ABCB4: variants seen among roughly 807,000 people sequenced by gnomAD.
The protein encoded by ABCB4 is phosphatidylcholine translocator ABCB4.
A neutral mutation model predicts 145.7 loss-of-function variants in ABCB4; 76 were observed. The ratio of observed to expected loss-of-function variants is 0.52; its 90% CI spans 0.43 to 0.63. The LOEUF is 0.63. ABCB4 is among the 30% of genes least tolerant of loss of function. The probability of loss-of-function intolerance (pLI) is 0.00; values close to 1 mark genes in which losing one functional copy is unlikely to be tolerated. For synonymous variants in ABCB4, 517 were observed against 566.8 expected, an observed-to-expected ratio of 0.91 and a Z score of 1.25; for missense variants, 1,234 against 1,553.1, an observed-to-expected ratio of 0.79 and a Z score of 3.45.
chr7:87,430,161 G>A (rs1810111722), intron 15 of ABCB4, among the ~76,000 whole-genome samples: 1 of 151,946 alleles, frequency 6.6e-6, no homozygotes, highest in African/African-American at 2.4e-5. Flanking sequence ...TGCTCACAGT[G>A]GCAATATTTA....
the ABCB4 span, among the ~76,000 whole-genome samples, chr7:87,378,636 T>G: frequency 5.9e-5 from 9 of 152,298 alleles, no homozygotes; most frequent in South Asian, 1.9e-3. Context: ...CCAAAGGAAA[T>G]AGTCAGCTTC....
the ABCB4 span, among the ~76,000 whole-genome samples, chr7:87,366,640 T>C: frequency 6.6e-6 from 1 of 152,204 alleles, no homozygotes; most frequent in South Asian, 2.1e-4. Context: ...TACTGCTCTC[T>C]TCATGGCTCC....
rs376156950 is a variant in ABCB4 at position 87,468,941 on chromosome 7, TAAATA to T, written c.135+3675_135+3679del. 5.0e-4 allele frequency among the ~76,000 whole-genome samples: 70 copies of T among 138,932 alleles called. 1 individual carries two copies. The highest frequency in any genetic ancestry group is 5.6e-4 in the Admixed American group (8 of 14,282). The allele number at this position is 138,932 out of a possible 152,430, so 91.1% of individuals were successfully genotyped here. On this transcript the variant is annotated intron_variant, in intron 3 of 27. Coordinates refer to ENST00000649586, the MANE Select transcript of ABCB4 (RefSeq NM_000443.4). ...GCGCAACTCCGTCTCAAAAAATAAA[TAAATA>T]AAATAAAATAAAATAAAATAAAATA...
At chr7:87,374,042 AC>A in the ABCB4 span, among the ~76,000 whole-genome samples, 1 of 152,214 alleles carries the variant, frequency 6.6e-6, no homozygotes, top group African/African-American at 2.4e-5. Flanking sequence ...AAAATCGAGG[AC>A]AGTAAATTAA....
rs45468695 is a variant in ABCB4 at position 87,431,205 on chromosome 7, G to T, written c.1893+199C>A. Among the ~76,000 whole-genome samples the T allele has an allele frequency of 9.3e-3, 1,410 of 152,280 alleles. 22 individuals are homozygous for T. Among genetic ancestry groups the T allele is most frequent in the African/African-American group, 0.03 (1,267 of 41,552 alleles). ...AATCTGTCCTAAGGAATATATCCAT[G>T]ATGTTTTTGGCACTTTCCCCTATTT... is the stretch of plus-strand genomic sequence containing the variant. On this transcript the variant is annotated intron_variant, in intron 15 of 27. Coordinates refer to ENST00000649586, the MANE Select transcript of ABCB4 (RefSeq NM_000443.4).
At chr7:87,447,311 C>T in intron 8 of ABCB4, 106 bp from the exon 9 acceptor site, 1 of 1,126,758 alleles carries the variant, frequency 8.9e-7, no homozygotes, top group Non-Finnish European at 1.3e-6. Context: ...CAAAGTCAGT[C>T]AAGGTAATGA....
At chr7:87,421,423 A>G (rs1333247931) in intron 18 of ABCB4, among the ~76,000 whole-genome samples, 2 of 152,188 alleles carry the variant, frequency 1.3e-5, no homozygotes, top group African/African-American at 4.8e-5. Context: ...CTAGCATGCC[A>G]GGGACTGGGG....
rs45523138 is a variant in ABCB4, at chr7:87,446,566, G to C, written c.1005+468C>G. On this transcript the variant is annotated intron_variant, in intron 9 of 27. Transcript: ENST00000649586. ...TATATTATTTTAACAATCATAAAAT[G>C]AAGCTATCTTCATTTTGATAAATAA... 2.8e-3 allele frequency among the ~76,000 whole-genome samples: 423 copies of C among 152,214 alleles called. 1 individual carries two copies. The highest frequency in any genetic ancestry group is 9.6e-3 in the African/African-American group (398 of 41,548).
At chr7:87,375,988 A>C in the ABCB4 span, 1 of 1,515,038 alleles carries the variant, frequency 6.6e-7, no homozygotes, top group East Asian at 2.3e-5. Flanking sequence ...TTTTTATTGC[A>C]GATTTTTCTG....
At chr7:87,414,247 C>T (rs769652244) in intron 21 of ABCB4, among the ~76,000 whole-genome samples, 2 of 152,254 alleles carry the variant, frequency 1.3e-5, no homozygotes, top group Non-Finnish European at 2.9e-5. Context: ...CAGAGTCAGA[C>T]ATCTGACTAA....
chr7:87,392,120 AC>A, the ABCB4 span, among the ~76,000 whole-genome samples: 1 of 151,516 alleles, frequency 6.6e-6, no homozygotes, highest in Admixed American at 6.6e-5. Flanking sequence ...TTTGTTTCAT[AC>A]TCTTTTTTTT....
chr7:87,374,370 T>G, the ABCB4 span, among the ~76,000 whole-genome samples: 2 of 152,046 alleles, frequency 1.3e-5, no homozygotes, highest in East Asian at 3.9e-4. Context: ...ATGACCACCT[T>G]GTAAAACGAA....
the ABCB4 span, chr7:87,375,607 T>A: frequency 1.3e-5 from 20 of 1,564,636 alleles, no homozygotes; most frequent in Admixed American, 1.3e-4. Context: ...TACTCTTTTT[T>A]AATCTTCTTT....
intron 3 of ABCB4, 110 bp from the exon 4 acceptor site, chr7:87,463,018 T>C (rs1300972787): frequency 4.2e-6 from 4 of 950,508 alleles, no homozygotes; most frequent in Non-Finnish European, 6.4e-6. Flanking sequence ...TTAAGAGTTG[T>C]AAATGAATGT....
chr7:87,460,622 G>GTATTTATTTATT (rs3028335), intron 4 of ABCB4, among the ~76,000 whole-genome samples: 51 of 148,430 alleles, frequency 3.4e-4, no homozygotes, highest in African/African-American at 9.8e-4. Context: ...ACACAATTTT[G>GTATTTATTTATT]TATTTATTTA....
At position 87,402,034 on chromosome 7, in the gene ABCB4, A is replaced by G. The variant is rs1807816723; in HGVS notation, c.*62T>C. 4 of 1,587,974 alleles carry G rather than the reference A, an allele frequency of 2.5e-6. No individual in the cohort carries two copies. Among genetic ancestry groups the G allele is most frequent in the Non-Finnish European group, 2.6e-6 (3 of 1,161,672 alleles). On this transcript the variant is annotated 3_prime_UTR_variant, in exon 28 of 28. Coordinates refer to ENST00000649586, the MANE Select transcript of ABCB4 (RefSeq NM_000443.4). ...TGATGACAAACCAGAAACTTATTTT[A>G]CAAGTCAGATAAAATGGTAGAATAA...
the ABCB4 span, among the ~76,000 whole-genome samples, chr7:87,373,074 G>T: frequency 8.5e-3 from 1,298 of 152,196 alleles, 30 homozygotes; most frequent in African/African-American, 0.03. Flanking sequence ...AAATGGCGCA[G>T]TATATTAGGG....
At chr7:87,371,993 CAA>C in the ABCB4 span, among the ~76,000 whole-genome samples, 1 of 59,746 alleles carries the variant, frequency 1.7e-5, no homozygotes, top group Non-Finnish European at 3.2e-5. Context: ...GACGCTGTCT[CAA>C]AAAAAAAAAA....
chr7:87,429,914 TAA>T lies in ABCB4; in HGVS notation c.1893+1488_1893+1489del, dbSNP rs58654815. ...AATTTGTGTCAGGTCTTTTTTTTTT[TAA>T]AAAAAAAAAAAGAAAAACAGCTTTT... On this transcript the variant is annotated intron_variant, in intron 15 of 27. Transcript: ENST00000649586. 4.3e-3 allele frequency among the ~76,000 whole-genome samples: 596 copies of T among 139,192 alleles called. 3 individuals are homozygous for T. Among genetic ancestry groups the T allele is most frequent in the African/African-American group, 0.016 (562 of 35,994 alleles). 91.3% of individuals were successfully genotyped at this position (139,192 alleles called of 152,430 possible). A position where few individuals can be genotyped will look rare whatever the true frequency, so the allele number is the denominator to read the frequency against.
Sources: gnomAD v4.1 joint callset for allele counts (sites outside exome capture counted in the v4.1 genomes callset) on GRCh38, gnomAD v4.1.1 for gene constraint, MANE v1.5 for transcripts, NCBI Gene and HGNC (gene_info 2026-07-23, HGNC 2026-07-21) for gene names.